Variants in RORB observed in about 807,000 individuals in gnomAD.
RORB encodes the protein nuclear receptor ROR-beta.
In RORB, 6 loss-of-function variants were observed where a neutral mutation model predicts 59.1. The ratio of observed to expected loss-of-function variants is 0.10; its 90% CI spans 0.06 to 0.20. The LOEUF (loss-of-function observed/expected upper bound fraction) is 0.20. Ranked by LOEUF, RORB falls within the 10% of genes least tolerant of loss-of-function variation. RORB has a pLI of 1.00. For synonymous variants in RORB, 215 were observed against 204.5 expected (o/e 1.05, Z -0.44); for missense variants, 320 against 560.5 (o/e 0.57, Z 4.33).
At chr9:74,674,809 T>A (rs1824409582) in intron 9 of RORB, among the ~76,000 whole-genome samples, 1 of 152,208 alleles carries the variant, frequency 6.6e-6, no homozygotes, top group Non-Finnish European at 1.5e-5. Context: ...TCAGCATAAT[T>A]ATGATACATA....
chr9:74,531,086 T>A (rs1826230587), intron 1 of RORB, among the ~76,000 whole-genome samples: 1 of 152,018 alleles, frequency 6.6e-6, no homozygotes, highest in Admixed American at 6.6e-5. Context: ...CCCCCAATGA[T>A]GCTATTTATG....
chr9:74,685,481 A>G lies in RORB; in HGVS notation c.1243A>G (p.Thr415Ala). The G allele has an allele frequency of 1.2e-6, 2 of 1,611,832 alleles. No homozygotes were observed. Among genetic ancestry groups the G allele is most frequent in the South Asian group, 2.2e-5 (2 of 90,832 alleles). The change falls in exon 10 of 10, where the codon ACC (threonine) becomes GCC (alanine). Residue 415 changes from threonine (T) to alanine (A), a missense_variant. By Grantham distance (58) the Thr-to-Ala change is moderately conservative (BLOSUM62 0). This residue lies in a region of RORB where 109 missense variants were observed against 171.0 expected (regional missense o/e 0.64). Coordinates refer to ENST00000376896, the MANE Select transcript of RORB (RefSeq NM_006914.4). ...TCTGCAGTTAATAGCCAAGATACCA[A>G]CCATCACGGCAGTTTGCAACTTGCA... ...TLAKLIAKIPTITAVCNLHGE... is the reference protein window; with the variant it reads ...TLAKLIAKIPAITAVCNLHGE...
intron 4 of RORB, among the ~76,000 whole-genome samples, chr9:74,656,336 T>G (rs529328425): frequency 5.9e-5 from 9 of 152,334 alleles, no homozygotes; most frequent in Middle Eastern, 3.4e-3. Flanking sequence ...TATGACCTAG[T>G]TCAGACCTTC....
intron 1 of RORB, among the ~76,000 whole-genome samples, chr9:74,586,024 G>A (rs906841447): frequency 1.3e-5 from 2 of 151,828 alleles, no homozygotes; most frequent in African/African-American, 4.8e-5. Flanking sequence ...TCAATCTCCT[G>A]ACCTCGTGAT....
chr9:74,653,831 C>T (rs1824035516), intron 4 of RORB, among the ~76,000 whole-genome samples: 1 of 151,998 alleles, frequency 6.6e-6, no homozygotes, highest in South Asian at 2.1e-4. Context: ...TAAAATAAGC[C>T]GCTTTGGTGG....
At chr9:74,634,923 G>A (rs1208406134) in intron 3 of RORB, 151 bp downstream of exon 3, 12 of 700,074 alleles carry the variant, frequency 1.7e-5, no homozygotes, top group Admixed American at 1.3e-4. Flanking sequence ...ACAAGGAAAA[G>A]TAAGAATATA....
chr9:74,678,605 G>T (rs1824487737), intron 9 of RORB, among the ~76,000 whole-genome samples: 1 of 152,168 alleles, frequency 6.6e-6, no homozygotes, highest in African/African-American at 2.4e-5. Flanking sequence ...TCAGATTTAG[G>T]AAAAACAGTC....
intron 1 of RORB, among the ~76,000 whole-genome samples, chr9:74,578,921 C>A (rs1255737613): frequency 2.6e-5 from 4 of 152,200 alleles, no homozygotes; most frequent in Middle Eastern, 3.4e-3. Flanking sequence ...GCCTGTCCTG[C>A]TGTACTCCAG....
Position 74,667,816 on chromosome 9 carries a change from A to G in RORB, c.1026A>G (p.Ala342=). The G allele has an allele frequency of 4.3e-6, 7 of 1,613,164 alleles. No individual in the cohort carries two copies. The highest frequency in any genetic ancestry group is 5.9e-6 in the Non-Finnish European group (7 of 1,179,176). Residue 342 remains alanine (A), a synonymous_variant, in exon 8 of 10, where the codon GCA becomes GCG. Transcript: ENST00000376896. The part of the protein sequence containing the change: ...ALGSDDLVNE[A]FDFAKNLCSL... ...GTTCTGATGACCTAGTGAATGAAGC[A>G]TTTGACTTTGCAAAGAATTTGTGTT...
intron 1 of RORB, among the ~76,000 whole-genome samples, chr9:74,584,725 G>A (rs948515425): frequency 1.3e-5 from 2 of 152,138 alleles, no homozygotes; most frequent in African/African-American, 4.8e-5. Context: ...TTGTTTGTTG[G>A]TATTGGAAAT....
At chr9:74,654,333 G>GGAGAGA (rs60137307) in intron 4 of RORB, among the ~76,000 whole-genome samples, 39 of 138,714 alleles carry the variant, frequency 2.8e-4, no homozygotes, top group African/African-American at 5.6e-4. Context: ...CAGTCTCAGG[G>GGAGAGA]GAGAGAGAGA....
rs149568491 is a variant in RORB, at chr9:74,633,280, C to T, written c.94-1351C>T. Among the ~76,000 whole-genome samples the T allele has an allele frequency of 5.4e-3, 815 of 152,100 alleles. 9 individuals are homozygous for T. The highest frequency in any genetic ancestry group is 0.04 in the Admixed American group (610 of 15,280). ...TAAATGTTGTGGGCAAGGTGTTTGC[C>T]TCACTAGGCGTACCTAGCCCTGGCC... On this transcript the variant is annotated intron_variant, in intron 2 of 9. Coordinates refer to ENST00000376896, the MANE Select transcript of RORB (RefSeq NM_006914.4).
At chr9:74,681,670 C>A (rs1203964999) in intron 9 of RORB, among the ~76,000 whole-genome samples, 1 of 152,080 alleles carries the variant, frequency 6.6e-6, no homozygotes, top group Non-Finnish European at 1.5e-5. Context: ...AGGAAGAGTC[C>A]ATATTAACAT....
intron 3 of RORB, among the ~76,000 whole-genome samples, chr9:74,635,956 C>CAAAAAAA (rs11364568): frequency 7.6e-6 from 1 of 131,652 alleles, no homozygotes; most frequent in Non-Finnish European, 1.6e-5. Flanking sequence ...CAAATTTGAC[C>CAAAAAAA]AAAAAAAAAA....
At chr9:74,685,199 A>G (rs939995096) in intron 9 of RORB, among the ~76,000 whole-genome samples, 1 of 130,982 alleles carries the variant, frequency 7.6e-6, no homozygotes, top group African/African-American at 2.9e-5. Context: ...TCTCATATAT[A>G]CTTATTTAAG....
At chr9:74,630,550 T>C (rs541677003) in intron 2 of RORB, among the ~76,000 whole-genome samples, 183 bp downstream of exon 2, 1 of 152,312 alleles carries the variant, frequency 6.6e-6, no homozygotes, top group East Asian at 1.9e-4. Flanking sequence ...TTTTACCTTT[T>C]TGTTATTGTC....
At chr9:74,551,319 G>A (rs563752429) in intron 1 of RORB, among the ~76,000 whole-genome samples, 72 of 152,118 alleles carry the variant, frequency 4.7e-4, no homozygotes, top group African/African-American at 1.1e-3. Context: ...TATGTAAATC[G>A]CCAGCAAATG....
intron 3 of RORB, among the ~76,000 whole-genome samples, chr9:74,637,587 A>T (rs201900731): frequency 1.3e-5 from 2 of 151,928 alleles, no homozygotes; most frequent in Non-Finnish European, 2.9e-5. Flanking sequence ...CCATCATTTT[A>T]TTTTTTTCTT....
chr9:74,684,540 G>A (rs1824604800), intron 9 of RORB, among the ~76,000 whole-genome samples: 1 of 152,076 alleles, frequency 6.6e-6, no homozygotes, highest in South Asian at 2.1e-4. Context: ...TAAACTATAA[G>A]TATGTTAAAA....
Sources: allele counts gnomAD v4.1 joint callset (sites outside exome capture counted in the v4.1 genomes callset), GRCh38; gene constraint gnomAD v4.1.1; regional missense constraint gnomAD v4.1.1; transcripts MANE v1.5; gene names NCBI Gene and HGNC (gene_info 2026-07-23, HGNC 2026-07-21).